The following DMBT1 variants were observed in gnomAD, a reference collection of about 807,000 sequenced individuals.
The protein encoded by DMBT1 is deleted in malignant brain tumors 1, also known as scavenger receptor cysteine-rich domain-containing protein DMBT1.
A neutral mutation model predicts 252.9 loss-of-function variants in DMBT1; 198 were observed. The ratio of observed to expected loss-of-function variants is 0.78; its 90% CI spans 0.70 to 0.88. DMBT1 has a LOEUF of 0.88. Among genes scored for constraint, DMBT1 ranks in the 40% least tolerant of loss-of-function variants. The pLI, the probability that DMBT1 is intolerant of heterozygous loss-of-function variation, is 0.00. For synonymous variants in DMBT1, 990 were observed against 942.7 expected (o/e 1.05, Z -0.92); for missense variants, 2,432 against 2,404.7 (o/e 1.01, Z -0.24).
At chr10:122,570,581 A>G (rs12767238) in intron 3 of DMBT1, among the ~76,000 whole-genome samples, 104,615 of 152,156 alleles carry the variant, frequency 0.69, 36,175 homozygotes, top group East Asian at 0.78. Flanking sequence ...ACAGCCAGAT[A>G]TCTTTTGACA....
At chr10:122,585,109 G>A (rs1032136865) in intron 14 of DMBT1, among the ~76,000 whole-genome samples, 162 bp from the exon 15 acceptor site, 2 of 148,706 alleles carry the variant, frequency 1.3e-5, no homozygotes, top group African/African-American at 4.9e-5. Context: ...GTCCCTTGCT[G>A]AGCTTGCTGA....
chr10:122,626,865 G>C (rs2098122581), intron 46 of DMBT1, among the ~76,000 whole-genome samples: 1 of 152,190 alleles, frequency 6.6e-6, no homozygotes. Flanking sequence ...TGACATTTAA[G>C]CTGGGAGTTA....
chr10:122,618,914 C>T (rs747014739), intron 41 of DMBT1, among the ~76,000 whole-genome samples: 1 of 152,240 alleles, frequency 6.6e-6, no homozygotes. Context: ...GTGGGGAGGG[C>T]AGCCCCCATG....
chr10:122,643,675 A>C lies in DMBT1; in HGVS notation c.*277A>C. On this transcript the variant is annotated 3_prime_UTR_variant, in exon 56 of 56. Transcript: ENST00000338354. Reference sequence around the variant, plus strand: ...TTCTCATCTGCAAAATGAAAATGTCAATACTTACTTCTTAGCACTGTTGAG... The same window carrying C: ...TTCTCATCTGCAAAATGAAAATGTCCATACTTACTTCTTAGCACTGTTGAG... The C allele has an allele frequency of 2.0e-6, 1 of 496,096 alleles. No individual in the cohort carries two copies. Among genetic ancestry groups the C allele is most frequent in the Non-Finnish European group, 3.6e-6 (1 of 275,238 alleles). 30.7% of individuals were successfully genotyped at this position (496,096 alleles called of 1,614,324 possible).
In DMBT1 at chr10:122,590,592, G is replaced by C. The variant is rs1423454497; in HGVS notation, c.2108-73G>C. ...GTGGACTGAAGGCGCTACCAGTTTA[G>C]TTCCTTGTACCTTTGTTCTGGTTTT... On this transcript the variant is annotated intron_variant, in intron 17 of 55. Coordinates refer to ENST00000338354, the MANE Select transcript of DMBT1 (RefSeq NM_001377530.1). 1.2e-5 allele frequency: 18 copies of C among 1,541,076 alleles called. 1 individual carries two copies. The highest frequency in any genetic ancestry group is 1.6e-5 in the Non-Finnish European group (18 of 1,123,812).
At chr10:122,634,426 TCTCTTCTCTCTCTCTCTCTCTCTCTC>T (rs1402983991) in intron 52 of DMBT1, among the ~76,000 whole-genome samples, 4 of 74,814 alleles carry the variant, frequency 5.3e-5, no homozygotes, top group African/African-American at 3.2e-4. Flanking sequence ...TCTCTCTCTC[TCTCTTCTCTCTCTCTCTCTCTCTCTC>T]TCTCTCTCTC....
chr10:122,640,060 C>T lies in DMBT1; in HGVS notation c.6963C>T (p.Asp2321=), dbSNP rs751233767. 1.9e-6 allele frequency: 3 copies of T among 1,613,810 alleles called. No individual in the cohort carries two copies. Among genetic ancestry groups the T allele is most frequent in the Non-Finnish European group, 2.5e-6 (3 of 1,179,830 alleles). The change falls in exon 55 of 56, where the codon GAC becomes GAT. Residue 2321 remains aspartate (D), a synonymous_variant. Transcript: ENST00000338354. Reference sequence around the variant, plus strand: ...CCTAGGCAGACAATGACACCATCGACTATTCCAACTTCCTCACAGCAGCTG... The same window carrying T: ...CCTAGGCAGACAATGACACCATCGATTATTCCAACTTCCTCACAGCAGCTG... ...TFKQADNDTI[D]YSNFLTAAVS...
At chr10:122,577,342 G>C (rs2097721442) in intron 7 of DMBT1, among the ~76,000 whole-genome samples, 1 of 152,190 alleles carries the variant, frequency 6.6e-6, no homozygotes, top group South Asian at 2.1e-4. Context: ...AGAGAGGCAT[G>C]GAAGTGGGGT....
Position 122,585,376 on chromosome 10 carries a change from A to G in DMBT1, c.1459+67A>G, listed in dbSNP as rs924260635. On this transcript the variant is annotated intron_variant, in intron 15 of 55. Transcript: ENST00000338354. ...CTCTGGACAAATGTTTTTTTCTGAA[A>G]TGATAGGATGAGGGTCAAGGTGGGC... The G allele has an allele frequency of 1.8e-4, 274 of 1,535,676 alleles. 24 individuals are homozygous for G. Among genetic ancestry groups the G allele is most frequent in the Admixed American group, 1.9e-4 (11 of 58,950 alleles).
chr10:122,634,342 T>TTCTTTCTTTCTTTCTTTC (rs2098192389), intron 52 of DMBT1, among the ~76,000 whole-genome samples: 60 of 58,208 alleles, frequency 1.0e-3, no homozygotes, highest in Admixed American at 2.0e-3. Context: ...AAAAGCACTT[T>TTCTTTCTTTCTTTCTTTC]TCTTTCTTTC....
chr10:122,580,374 T>G (rs1331676499), intron 10 of DMBT1, among the ~76,000 whole-genome samples: 1 of 152,168 alleles, frequency 6.6e-6, no homozygotes, highest in Non-Finnish European at 1.5e-5. Flanking sequence ...GGTGTCTGTT[T>G]GTATCAGGCC....
chr10:122,600,345 A>G (rs569279378), intron 27 of DMBT1, among the ~76,000 whole-genome samples: 39 of 152,074 alleles, frequency 2.6e-4, no homozygotes, highest in East Asian at 2.1e-3. Flanking sequence ...CCAGTGGACA[A>G]CCCTTACAGG....
At chr10:122,560,882 C>A in intron 1 of DMBT1, 51 bp downstream of exon 1, 1 of 1,397,560 alleles carries the variant, frequency 7.2e-7, no homozygotes, top group Non-Finnish European at 9.9e-7. Context: ...CAGACCCAAT[C>A]ATGGCAAATT....
intron 15 of DMBT1, 49 bp downstream of exon 15, chr10:122,585,358 C>A (rs1459246855): frequency 6.4e-7 from 1 of 1,560,564 alleles, no homozygotes; most frequent in Non-Finnish European, 8.7e-7. Context: ...TACCTCTGGA[C>A]AAATGTTTTT....
rs542434897 is a variant in DMBT1 at position 122,634,514 on chromosome 10, G to A, written c.6548+1173G>A. Among the ~76,000 whole-genome samples the A allele has an allele frequency of 3.0e-3, 365 of 123,444 alleles. 3 individuals are homozygous for A. Among genetic ancestry groups the A allele is most frequent in the African/African-American group, 0.01 (335 of 33,416 alleles). 81.0% of individuals were successfully genotyped at this position (123,444 alleles called of 152,430 possible). A position where few individuals can be genotyped will look rare whatever the true frequency, so the allele number is the denominator to read the frequency against. On this transcript the variant is annotated intron_variant, in intron 52 of 55. Transcript: ENST00000338354. ...TTTTTCTTTCTTTCTTTTTTTTTCC[G>A]GACATGGAGTCTCGCTCTGTCACCC...
chr10:122,617,198 TC>T lies in DMBT1; in HGVS notation c.4859-29del, dbSNP rs752342041. On this transcript the variant is annotated intron_variant, in intron 39 of 55. Transcript: ENST00000338354. ...TGTGCCTTTTCCCTTCAAGTCTAAT[TC>T]TGTCTTTTTTCTTTGTTGCTATTTA... 1.3e-4 allele frequency: 203 copies of T among 1,605,840 alleles called. 4 individuals are homozygous for T. Among genetic ancestry groups the T allele is most frequent in the Middle Eastern group, 1.2e-3 (7 of 6,014 alleles).
chr10:122,586,318 GC>G lies in DMBT1; in HGVS notation c.1723del (p.His575ThrfsTer28), dbSNP rs1196233185. The G allele has an allele frequency of 3.1e-6, 5 of 1,588,732 alleles. No individual in the cohort carries two copies. Among genetic ancestry groups the G allele is most frequent in the Non-Finnish European group, 4.3e-6 (5 of 1,165,890 alleles). ...CSGNESYLWS[C>X]PHNGWLSHNC... ...GGGAATGAGTCCTACTTGTGGAGCTGCCCCCACAATGGCTGGCTCTCCCATA... is the reference window on the plus strand; with the variant it reads ...GGGAATGAGTCCTACTTGTGGAGCTGCCCCACAATGGCTGGCTCTCCCATA... On this transcript the variant is annotated frameshift_variant, in exon 16 of 56. Transcript: ENST00000338354. LOFTEE classifies it high-confidence loss of function.
At chr10:122,586,469 G>A (rs1426968795) in intron 16 of DMBT1, 86 bp downstream of exon 16, 2 of 1,528,078 alleles carry the variant, frequency 1.3e-6, no homozygotes, top group South Asian at 2.6e-5. Context: ...CTCACTTAGA[G>A]CTTTTTCAAC....
intron 14 of DMBT1, 82 bp from the exon 15 acceptor site, chr10:122,585,189 C>T (rs1399768180): frequency 7.9e-6 from 12 of 1,513,766 alleles, no homozygotes; most frequent in Non-Finnish European, 9.9e-6. Flanking sequence ...TTTCATGATG[C>T]TCGCCTTCTC....
Sources: allele counts gnomAD v4.1 joint callset (sites outside exome capture counted in the v4.1 genomes callset), GRCh38; gene constraint gnomAD v4.1.1; transcripts MANE v1.5; gene names NCBI Gene and HGNC (gene_info 2026-07-23, HGNC 2026-07-21).